Variants in NEGR1 observed in about 807,000 individuals in gnomAD.
NEGR1 encodes neuronal growth regulator 1.
A neutral mutation model predicts 40.9 loss-of-function variants in NEGR1; 10 were observed. The observed-to-expected ratio is 0.24, with a 90% CI of 0.15 to 0.42. The LOEUF is 0.42. Ranked by LOEUF, NEGR1 falls within the 10% of genes least tolerant of loss-of-function variation. The pLI, the probability that NEGR1 is intolerant of heterozygous loss-of-function variation, is 1.00. For missense variants in NEGR1, 352 were observed against 438.9 expected (o/e 0.80, Z 1.77); for synonymous variants, 185 against 166.8 (o/e 1.11, Z -0.84).
intron 1 of NEGR1, among the ~76,000 whole-genome samples, chr1:72,086,694 C>A (rs938956401): frequency 9.2e-5 from 14 of 152,054 alleles, no homozygotes; most frequent in Non-Finnish European, 2.9e-5. Flanking sequence ...TCCGGTTGAT[C>A]TGATATTTCT....
intron 3 of NEGR1, among the ~76,000 whole-genome samples, chr1:71,734,035 C>G (rs1654969528): frequency 6.6e-6 from 1 of 152,168 alleles, no homozygotes; most frequent in South Asian, 2.1e-4. Context: ...CAGGCTTCCT[C>G]AAATTATTGT....
rs573685249 is a variant in NEGR1, at chr1:72,081,564, G to A, written c.177-146253C>T. Among the ~76,000 whole-genome samples, 11 of 152,188 alleles carry A rather than the reference G, an allele frequency of 7.2e-5. No homozygotes were observed. In the South Asian group the frequency reaches 2.3e-3, roughly 32 times the overall value. ...TCTATCTCTGTCTACTAGACTATGA[G>A]CATCATGAGTGTAAGTAATGTGTTC... is the stretch of plus-strand genomic sequence containing the variant. On this transcript the variant is annotated intron_variant, in intron 1 of 6. Transcript: ENST00000357731.
intron 1 of NEGR1, among the ~76,000 whole-genome samples, chr1:72,068,593 A>T (rs1425591169): frequency 6.6e-6 from 1 of 152,174 alleles, no homozygotes; most frequent in Non-Finnish European, 1.5e-5. Flanking sequence ...GATGGAATGG[A>T]TAATTCATGA....
intron 2 of NEGR1, among the ~76,000 whole-genome samples, chr1:71,806,562 G>A (rs1323382405): frequency 1.3e-5 from 2 of 151,700 alleles, no homozygotes; most frequent in Non-Finnish European, 2.9e-5. Flanking sequence ...TGATGTCAGT[G>A]CCATAAACTG....
intron 6 of NEGR1, chr1:71,487,190 C>T (rs1409352554): frequency 6.6e-6 from 1 of 151,550 alleles, no homozygotes; most frequent in Non-Finnish European, 1.5e-5. Flanking sequence ...ACATGACAGC[C>T]CAGCAGAGCA....
chr1:71,725,772 A>G (rs1478565174), intron 3 of NEGR1, among the ~76,000 whole-genome samples: 1 of 152,050 alleles, frequency 6.6e-6, no homozygotes, highest in African/African-American at 2.4e-5. Flanking sequence ...TGTTTGATAC[A>G]CACTTGGATT....
intron 1 of NEGR1, among the ~76,000 whole-genome samples, chr1:72,090,321 C>G (rs1299141250): frequency 7.0e-6 from 1 of 142,780 alleles, no homozygotes; most frequent in Non-Finnish European, 1.5e-5. Context: ...AGAAAAATAT[C>G]TAAAATTTTC....
At chr1:71,949,417 A>G (rs954807118) in intron 1 of NEGR1, among the ~76,000 whole-genome samples, 5 of 152,152 alleles carry the variant, frequency 3.3e-5, no homozygotes, top group Non-Finnish European at 1.5e-5. Context: ...GCTAAACTGT[A>G]CAAGACTCTG....
intron 6 of NEGR1, among the ~76,000 whole-genome samples, chr1:71,469,237 G>C (rs1646766771): frequency 6.6e-6 from 1 of 151,916 alleles, no homozygotes; most frequent in Non-Finnish European, 1.5e-5. Context: ...GTCTTTATCA[G>C]AAAATTACTC....
intron 2 of NEGR1, among the ~76,000 whole-genome samples, chr1:71,837,342 A>G (rs1659075109): frequency 6.6e-6 from 1 of 152,102 alleles, no homozygotes; most frequent in South Asian, 2.1e-4. Context: ...CATATAGGAG[A>G]GGTTCAAGTT....
In NEGR1 at chr1:71,580,154, G is replaced by A. The variant is rs376595770; in HGVS notation, c.940+12663C>T. The stretch of plus-strand genomic sequence containing the variant: ...AAAAAATGATGAGTTCATGTCCTTT[G>A]TAGGGACATGGATGAAATTGGAAAT... On this transcript the variant is annotated intron_variant, in intron 6 of 6. Transcript: ENST00000357731. Among the ~76,000 whole-genome samples the A allele has an allele frequency of 4.5e-3, 685 of 152,146 alleles. 6 individuals carry two copies. Among genetic ancestry groups the A allele is most frequent in the African/African-American group, 0.015 (625 of 41,470 alleles).
At chr1:71,582,020 T>A (rs1649155238) in intron 6 of NEGR1, among the ~76,000 whole-genome samples, 1 of 152,200 alleles carries the variant, frequency 6.6e-6, no homozygotes, top group Non-Finnish European at 1.5e-5. Context: ...CATCCTTTAC[T>A]TCAGTTAAAT....
Position 71,907,999 on chromosome 1 carries a change from T to C in NEGR1, c.409+27080A>G, listed in dbSNP as rs1020919320. Among the ~76,000 whole-genome samples the C allele has an allele frequency of 2.6e-5, 4 of 152,138 alleles. No individual in the cohort carries two copies. In the South Asian group the frequency reaches 6.2e-4, roughly 24 times the overall value. On this transcript the variant is annotated intron_variant, in intron 2 of 6. Coordinates refer to ENST00000357731, the MANE Select transcript of NEGR1 (RefSeq NM_173808.3). ...GGCAACAATAGACACGGGGGTCTACTAGAGGTGGGAAGAAAGGAGGGGAGC... is the reference window on the plus strand; with the variant it reads ...GGCAACAATAGACACGGGGGTCTACCAGAGGTGGGAAGAAAGGAGGGGAGC...
chr1:71,712,385 A>G (rs1654128860), intron 3 of NEGR1, among the ~76,000 whole-genome samples: 1 of 152,140 alleles, frequency 6.6e-6, no homozygotes, highest in Admixed American at 6.5e-5. Context: ...TTAGTTAATC[A>G]TGTATTACAG....
chr1:71,729,723 C>T (rs1295359883), intron 3 of NEGR1, among the ~76,000 whole-genome samples: 1 of 152,106 alleles, frequency 6.6e-6, no homozygotes, highest in Non-Finnish European at 1.5e-5. Flanking sequence ...AAAACTCCGA[C>T]TCTGGGGCTC....
intron 1 of NEGR1, among the ~76,000 whole-genome samples, chr1:72,254,605 G>C (rs975275454): frequency 1.3e-5 from 2 of 151,402 alleles, no homozygotes; most frequent in African/African-American, 4.9e-5. Context: ...AGGAGGCTGA[G>C]GCAGGAGAAT....
At chr1:71,625,746 A>C (rs2101558123) in intron 4 of NEGR1, among the ~76,000 whole-genome samples, 1 of 151,944 alleles carries the variant, frequency 6.6e-6, no homozygotes, top group South Asian at 2.1e-4. Context: ...CCCAAGCCCC[A>C]GGCCATGGAC....
In NEGR1 at chr1:71,404,169, T is replaced by A. The variant is rs1025085367; in HGVS notation, c.*3277A>T. 6.5e-6 allele frequency: 1 copy of A among 154,972 alleles called. No individual in the cohort carries two copies. The highest frequency in any genetic ancestry group is 2.4e-5 in the African/African-American group (1 of 41,366). The allele number at this position is 154,972 out of a possible 1,614,324, so 9.6% of individuals were successfully genotyped here. On this transcript the variant is annotated 3_prime_UTR_variant, in exon 7 of 7. Transcript: ENST00000357731. ...GGGTATTTATATATATATATATTTT[T>A]TTTTTTCCCTGAATTACCTGGGTAA...
intron 1 of NEGR1, among the ~76,000 whole-genome samples, chr1:72,251,591 C>T (rs1191324687): frequency 2.0e-5 from 3 of 152,124 alleles, no homozygotes; most frequent in Non-Finnish European, 2.9e-5. Context: ...CTCTAGATTT[C>T]TTATAATACC....
Sources: allele counts gnomAD v4.1 joint callset (sites outside exome capture counted in the v4.1 genomes callset), GRCh38; gene constraint gnomAD v4.1.1; transcripts MANE v1.5; gene names NCBI Gene and HGNC (gene_info 2026-07-23, HGNC 2026-07-21).